Variants in CPNE4 observed in about 807,000 individuals in gnomAD.
CPNE4 encodes the protein copine-4.
Under a neutral mutation model 67.9 loss-of-function variants are expected in CPNE4, and 25 were observed. The ratio of observed to expected loss-of-function variants is 0.37; its 90% CI spans 0.27 to 0.51. The LOEUF is 0.51. Among genes scored for constraint, CPNE4 ranks in the 20% least tolerant of loss-of-function variants. CPNE4 has a pLI of 0.93. For synonymous variants in CPNE4, 242 were observed against 244.9 expected (o/e 0.99, Z 0.11); for missense variants, 464 against 690.8 (o/e 0.67, Z 3.68).
intron 15 of CPNE4, among the ~76,000 whole-genome samples, chr3:131,539,361 A>AAAC (rs1935351088): frequency 6.6e-6 from 1 of 152,140 alleles, no homozygotes; most frequent in South Asian, 2.1e-4. Flanking sequence ...GTCTTTCCTC[A>AAAC]AACACTTAAC....
intron 2 of CPNE4, among the ~76,000 whole-genome samples, chr3:131,891,466 T>C (rs1274080361): frequency 1.3e-5 from 2 of 152,052 alleles, no homozygotes; most frequent in Non-Finnish European, 2.9e-5. Flanking sequence ...TGCAGGTTTG[T>C]TACACAGGTA....
chr3:131,787,633 T>C (rs1044094522), intron 2 of CPNE4, among the ~76,000 whole-genome samples: 11 of 152,136 alleles, frequency 7.2e-5, no homozygotes, highest in African/African-American at 2.7e-4. Context: ...GGGTGGTGCA[T>C]CTCTGAGTAA....
At chr3:131,776,783 A>G (rs1269412297) in intron 2 of CPNE4, among the ~76,000 whole-genome samples, 7 of 152,148 alleles carry the variant, frequency 4.6e-5, no homozygotes, top group African/African-American at 1.7e-4. Context: ...TTGTTCATCA[A>G]GAGCTGATAG....
At chr3:131,742,899 C>A (rs1439415600) in intron 2 of CPNE4, among the ~76,000 whole-genome samples, 1 of 152,064 alleles carries the variant, frequency 6.6e-6, no homozygotes, top group South Asian at 2.1e-4. Flanking sequence ...AATGCCTTTA[C>A]TACTAAAGAA....
At chr3:131,889,939 T>C (rs989293325) in intron 2 of CPNE4, among the ~76,000 whole-genome samples, 1 of 152,024 alleles carries the variant, frequency 6.6e-6, no homozygotes, top group African/African-American at 2.4e-5. Flanking sequence ...CAAAATCAAC[T>C]AATAATGGAT....
intron 2 of CPNE4, among the ~76,000 whole-genome samples, chr3:131,889,777 T>A (rs770357520): frequency 2.0e-5 from 3 of 152,174 alleles, no homozygotes; most frequent in Non-Finnish European, 4.4e-5. Context: ...TGCCTTTAAG[T>A]GTATGTGTTG....
chr3:131,883,862 G>A (rs1482836525), intron 2 of CPNE4, among the ~76,000 whole-genome samples: 1 of 152,176 alleles, frequency 6.6e-6, no homozygotes, highest in African/African-American at 2.4e-5. Context: ...CCTTAAATAG[G>A]CTAAGCACAT....
chr3:132,032,550 A>G (rs1219351645), intron 1 of CPNE4, among the ~76,000 whole-genome samples: 1 of 152,348 alleles, frequency 6.6e-6, no homozygotes, highest in East Asian at 1.9e-4. Context: ...GAATCTTCCC[A>G]TGAGAGATAG....
intron 2 of CPNE4, among the ~76,000 whole-genome samples, chr3:131,800,296 T>C (rs2084054951): frequency 1.3e-5 from 2 of 152,140 alleles, no homozygotes; most frequent in South Asian, 4.1e-4. Context: ...CTACTGAGAT[T>C]GTGTTGCAGT....
intron 2 of CPNE4, among the ~76,000 whole-genome samples, chr3:131,744,881 G>A (rs530536433): frequency 5.9e-5 from 9 of 152,040 alleles, no homozygotes; most frequent in Non-Finnish European, 1.0e-4. Flanking sequence ...GCAGATGGGG[G>A]GTGTTATAAA....
rs1256435355 is a variant in CPNE4 at position 132,034,775 on chromosome 3, G to C, written c.-210C>G. On this transcript the variant is annotated 5_prime_UTR_variant, in exon 1 of 16. Coordinates refer to ENST00000429747, the MANE Select transcript of CPNE4 (RefSeq NM_130808.3). Reference sequence around the variant, plus strand: ...GGGAAAGGTGCTGAGAGCAGAGTTCGGTCTCTCCGGAAACCCTGACTCCAT... The same window carrying C: ...GGGAAAGGTGCTGAGAGCAGAGTTCCGTCTCTCCGGAAACCCTGACTCCAT... 13 of 985,244 alleles carry C rather than the reference G, an allele frequency of 1.3e-5. No individual in the cohort carries two copies. The highest frequency in any genetic ancestry group is 1.6e-5 in the Non-Finnish European group (13 of 830,024). The allele number at this position is 985,244 out of a possible 1,614,324, so 61.0% of individuals were successfully genotyped here. A position where few individuals can be genotyped will look rare whatever the true frequency, so the allele number is the denominator to read the frequency against.
intron 5 of CPNE4, among the ~76,000 whole-genome samples, chr3:131,689,390 A>G (rs2080973635): frequency 6.6e-6 from 1 of 152,238 alleles, no homozygotes; most frequent in East Asian, 1.9e-4. Context: ...AATCTATTAC[A>G]ATCAAGTACA....
intron 1 of CPNE4, among the ~76,000 whole-genome samples, chr3:131,970,562 T>A (rs2072475186): frequency 6.6e-6 from 1 of 152,228 alleles, no homozygotes. Flanking sequence ...ATAGTTTTTT[T>A]AAATTAAACT....
intron 2 of CPNE4, among the ~76,000 whole-genome samples, chr3:131,848,049 C>T (rs1369153147): frequency 6.6e-6 from 1 of 152,128 alleles, no homozygotes; most frequent in East Asian, 1.9e-4. Context: ...CCCTCTTGTG[C>T]TCATAGTCTG....
At chr3:131,789,812 A>T (rs936882377) in intron 2 of CPNE4, among the ~76,000 whole-genome samples, 2 of 152,126 alleles carry the variant, frequency 1.3e-5, no homozygotes, top group African/African-American at 4.8e-5. Flanking sequence ...AAGGAAAAAA[A>T]ATCCCTGCAG....
chr3:131,673,804 T>C (rs1445123938), intron 6 of CPNE4, among the ~76,000 whole-genome samples: 2 of 152,082 alleles, frequency 1.3e-5, no homozygotes, highest in South Asian at 2.1e-4. Context: ...TGCCCTTTAT[T>C]TCTTTCTCTT....
At chr3:131,545,597 G>A (rs1439631503) in intron 14 of CPNE4, among the ~76,000 whole-genome samples, 1 of 152,060 alleles carries the variant, frequency 6.6e-6, no homozygotes, top group African/African-American at 2.4e-5. Flanking sequence ...ACACAACTTA[G>A]AAATTACAGA....
intron 7 of CPNE4, among the ~76,000 whole-genome samples, chr3:131,654,266 A>T (rs1047174078): frequency 3.5e-4 from 53 of 151,426 alleles, no homozygotes; most frequent in Non-Finnish European, 6.9e-4. Flanking sequence ...TTAATCTTTT[A>T]TTTTAGGTTG....
At chr3:131,593,367 C>A (rs559372674) in intron 7 of CPNE4, among the ~76,000 whole-genome samples, 3 of 152,058 alleles carry the variant, frequency 2.0e-5, no homozygotes, top group Non-Finnish European at 4.4e-5. Context: ...AGTGTAGAAG[C>A]CTTTCAACTC....
Sources: allele counts gnomAD v4.1 joint callset (sites outside exome capture counted in the v4.1 genomes callset), GRCh38; gene constraint gnomAD v4.1.1; transcripts MANE v1.5; gene names NCBI Gene and HGNC (gene_info 2026-07-23, HGNC 2026-07-21).